Variants in PRKCB observed in about 807,000 individuals in gnomAD.
PRKCB encodes protein kinase C beta, also known as protein kinase C beta type.
Under a neutral mutation model 81.5 loss-of-function variants are expected in PRKCB, and 13 were observed. The observed-to-expected ratio is 0.16, with a 90% CI of 0.10 to 0.25. The LOEUF (loss-of-function observed/expected upper bound fraction) is 0.25, where lower values mean the gene tolerates loss of function less well. Among genes scored for constraint, PRKCB ranks in the 10% least tolerant of loss-of-function variants. The pLI is 1.00. For synonymous variants in PRKCB, 335 were observed against 321.4 expected (o/e 1.04, Z -0.45); for missense variants, 509 against 875.7 (o/e 0.58, Z 5.29).
chr16:23,844,112 T>C (rs1298143446), intron 2 of PRKCB, among the ~76,000 whole-genome samples: 1 of 152,258 alleles, frequency 6.6e-6, no homozygotes, highest in Non-Finnish European at 1.5e-5. Flanking sequence ...CTTTTAACTC[T>C]GCAGTTCAAT....
In PRKCB at chr16:23,917,860, G is replaced by A. The variant is rs572525713; in HGVS notation, c.206-70648G>A. On this transcript the variant is annotated intron_variant, in intron 2 of 16. Coordinates refer to ENST00000643927, the MANE Select transcript of PRKCB (RefSeq NM_002738.7). ...CTGACTCAAAGCAAGAGAAAATTTC[G>A]TGTCTGTCTTAGAAACACATTTGCC... Among the ~76,000 whole-genome samples the A allele has an allele frequency of 7.9e-5, 12 of 152,330 alleles. No homozygotes were observed. The East Asian group carries it at 1.2e-3, about 15-fold the overall frequency.
At chr16:24,151,782 G>T in intron 9 of PRKCB, 1 of 455,924 alleles carries the variant, frequency 2.2e-6, no homozygotes, top group Non-Finnish European at 4.4e-6. Context: ...AGTCAGAGCT[G>T]CATTTTCAGA....
intron 3 of PRKCB, among the ~76,000 whole-genome samples, chr16:24,008,169 T>C (rs377029765): frequency 1.0e-3 from 155 of 152,368 alleles, no homozygotes; most frequent in Middle Eastern, 6.8e-3. Flanking sequence ...ACTAAATGAC[T>C]TGCTCAAGGT....
At chr16:24,185,624 T>C (rs1596588024) in intron 15 of PRKCB, 57 bp downstream of exon 15, 1 of 1,454,828 alleles carries the variant, frequency 6.9e-7, no homozygotes. Flanking sequence ...ATGTGGGCTG[T>C]ACCTTGCCCA....
intron 2 of PRKCB, among the ~76,000 whole-genome samples, chr16:23,983,632 G>A (rs1421365265): frequency 6.6e-6 from 1 of 152,048 alleles, no homozygotes; most frequent in African/African-American, 2.4e-5. Flanking sequence ...TATGTACCAG[G>A]AATTGTGGTA....
intron 9 of PRKCB, among the ~76,000 whole-genome samples, chr16:24,135,347 T>C (rs370512493): frequency 5.9e-5 from 8 of 136,110 alleles, no homozygotes; most frequent in African/African-American, 1.7e-4. Flanking sequence ...TGAGACAGAG[T>C]CTTGCTCTGT....
chr16:24,059,091 C>G (rs957851443), intron 5 of PRKCB, among the ~76,000 whole-genome samples: 1 of 152,178 alleles, frequency 6.6e-6, no homozygotes, highest in Non-Finnish European at 1.5e-5. Context: ...GAAAGGTAAT[C>G]ATCTTGCTTT....
At chr16:23,861,631 G>A (rs1325868545) in intron 2 of PRKCB, among the ~76,000 whole-genome samples, 1 of 152,196 alleles carries the variant, frequency 6.6e-6, no homozygotes, top group African/African-American at 2.4e-5. Flanking sequence ...TCCCAGGAAG[G>A]CTGTGATAGC....
intron 16 of PRKCB, among the ~76,000 whole-genome samples, chr16:24,198,414 A>G (rs1210595684): frequency 6.6e-6 from 1 of 152,250 alleles, no homozygotes; most frequent in East Asian, 1.9e-4. Context: ...GCCGCCTCAG[A>G]AGACAACCCA....
rs1345923781 is a variant in PRKCB, at chr16:24,108,205, T to C, written c.822-4768T>C. ...TTATTGGAACATTAATTAGGTTTTATTTTCACTTTTTGTTTCCACAGTAAC... is the reference window on the plus strand; with the variant it reads ...TTATTGGAACATTAATTAGGTTTTACTTTCACTTTTTGTTTCCACAGTAAC... On this transcript the variant is annotated intron_variant, in intron 7 of 16. Coordinates refer to ENST00000643927, the MANE Select transcript of PRKCB (RefSeq NM_002738.7). Among the ~76,000 whole-genome samples, 3 of 150,970 alleles carry C rather than the reference T, an allele frequency of 2.0e-5. No individual in the cohort carries two copies. The East Asian group carries it at 5.8e-4, about 29-fold the overall frequency.
intron 4 of PRKCB, among the ~76,000 whole-genome samples, chr16:24,033,794 T>C (rs1965579355): frequency 6.6e-6 from 1 of 151,548 alleles, no homozygotes; most frequent in Non-Finnish European, 1.5e-5. Flanking sequence ...ATGATTGGCA[T>C]GGACACAGAG....
At chr16:24,036,703 A>C (rs1402846453) in intron 5 of PRKCB, among the ~76,000 whole-genome samples, 1 of 152,160 alleles carries the variant, frequency 6.6e-6, no homozygotes, top group African/African-American at 2.4e-5. Flanking sequence ...AATCCATTGC[A>C]TTATGTTTTC....
chr16:24,185,298 A>G (rs928003580), intron 14 of PRKCB, 107 bp downstream of exon 14: 9 of 1,282,386 alleles, frequency 7.0e-6, no homozygotes, highest in African/African-American at 5.9e-5. Flanking sequence ...TGGAACCTCT[A>G]TGACTTTCCC....
At chr16:24,087,424 G>A (rs569791476) in intron 5 of PRKCB, among the ~76,000 whole-genome samples, 126 of 152,252 alleles carry the variant, frequency 8.3e-4, no homozygotes, top group Non-Finnish European at 1.5e-3. Flanking sequence ...CCCATTGGTG[G>A]GCACTCAGGT....
chr16:24,060,805 T>C (rs1204520539), intron 5 of PRKCB, among the ~76,000 whole-genome samples: 1 of 152,238 alleles, frequency 6.6e-6, no homozygotes, highest in African/African-American at 2.4e-5. Context: ...CTGTTGCAGC[T>C]ACATTGCAGT....
intron 9 of PRKCB, among the ~76,000 whole-genome samples, chr16:24,146,529 A>C (rs1966993073): frequency 6.6e-6 from 1 of 152,178 alleles, no homozygotes; most frequent in African/African-American, 2.4e-5. Flanking sequence ...TTGGACACGT[A>C]CCAGGTTTTC....
chr16:23,962,803 A>C (rs1208753305), intron 2 of PRKCB: 1 of 151,128 alleles, frequency 6.6e-6, no homozygotes, highest in Non-Finnish European at 1.5e-5. Context: ...GGTTACATGG[A>C]TAAGTTCTTT....
intron 2 of PRKCB, among the ~76,000 whole-genome samples, chr16:23,930,769 C>T (rs533792510): frequency 2.0e-5 from 3 of 152,214 alleles, no homozygotes; most frequent in Admixed American, 1.3e-4. Context: ...ACATGTAAAG[C>T]TCTTAGTGCA....
chr16:24,111,513 A>T (rs1029317240), intron 7 of PRKCB, among the ~76,000 whole-genome samples: 13 of 152,018 alleles, frequency 8.6e-5, no homozygotes, highest in Non-Finnish European at 2.9e-5. Flanking sequence ...GTAGCTGGGC[A>T]TGGTGGGATG....
Sources: gnomAD v4.1 joint callset for allele counts (sites outside exome capture counted in the v4.1 genomes callset) on GRCh38, gnomAD v4.1.1 for gene constraint, MANE v1.5 for transcripts, NCBI Gene and HGNC (gene_info 2026-07-23, HGNC 2026-07-21) for gene names.